FAIM2: variants seen among roughly 807,000 people sequenced by gnomAD.
FAIM2 encodes protein lifeguard 2.
Under a neutral mutation model 47.4 loss-of-function variants are expected in FAIM2, and 27 were observed. The observed-to-expected ratio is 0.57, with a 90% CI of 0.42 to 0.78. The LOEUF is 0.78. Among genes scored for constraint, FAIM2 ranks in the 30% least tolerant of loss-of-function variants. The probability of loss-of-function intolerance (pLI) is 0.00; values close to 1 mark genes in which losing one functional copy is unlikely to be tolerated. For missense variants in FAIM2, 311 were observed against 389.4 expected (o/e 0.80, Z 1.69); for synonymous variants, 156 against 159.3 (o/e 0.98, Z 0.16).
chr12:49,898,049 G>T lies in FAIM2; in HGVS notation c.253C>A (p.His85Asn), dbSNP rs1298878854. ...SYDNGFPTGD[H>N]ELFTTFSWDD... The stretch of plus-strand genomic sequence containing the variant: ...CAGCTGAAAGTGGTGAAGAGCTCAT[G>T]GTCTCCGGTGGGGAAACCGTTGTCA... The change falls in exon 3 of 12, where the codon CAT (histidine) becomes AAT (asparagine). Residue 85 changes from histidine to asparagine, a missense_variant. Transcript: ENST00000320634. The T allele has an allele frequency of 6.8e-6, 11 of 1,613,906 alleles. No homozygotes were observed. Among genetic ancestry groups the T allele is most frequent in the Non-Finnish European group, 9.3e-6 (11 of 1,179,954 alleles).
rs150622045 is a variant in FAIM2 at position 49,875,954 on chromosome 12, C to T, written c.802-5301G>A. Among the ~76,000 whole-genome samples, 745 of 152,028 alleles carry T rather than the reference C, an allele frequency of 4.9e-3. 6 individuals are homozygous for T. The highest frequency in any genetic ancestry group is 0.014 in the Middle Eastern group (4 of 294). Reference sequence around the variant, plus strand: ...TCACACCACTGCACTCCAGCCTGGGCGACAGAGTGAGACTCCATCTCAAAA... The same window carrying T: ...TCACACCACTGCACTCCAGCCTGGGTGACAGAGTGAGACTCCATCTCAAAA... On this transcript the variant is annotated intron_variant, in intron 11 of 11. Coordinates refer to ENST00000320634, the MANE Select transcript of FAIM2 (RefSeq NM_012306.4).
intron 1 of FAIM2, chr12:49,902,125 G>C (rs1235296531): frequency 6.6e-6 from 1 of 152,220 alleles, no homozygotes; most frequent in Non-Finnish European, 1.5e-5. Flanking sequence ...GGCTCAAAGG[G>C]AAACGTCCCC....
chr12:49,879,488 GTGTA>G (rs1946784775), intron 11 of FAIM2, among the ~76,000 whole-genome samples: 1 of 9,964 alleles, frequency 1.0e-4, no homozygotes, highest in Non-Finnish European at 1.5e-4. Flanking sequence ...GTGCATGTGA[GTGTA>G]TGTGTGTATA....
chr12:49,877,788 GTATA>G (rs1158096742), intron 11 of FAIM2, among the ~76,000 whole-genome samples: 4 of 152,002 alleles, frequency 2.6e-5, no homozygotes, highest in African/African-American at 9.7e-5. Context: ...GTGTGCATGT[GTATA>G]TATGTGTGTG....
intron 11 of FAIM2, among the ~76,000 whole-genome samples, chr12:49,877,834 G>A (rs73293433): frequency 0.036 from 5,501 of 152,058 alleles, 331 homozygotes; most frequent in African/African-American, 0.12. Flanking sequence ...GTCTATGTGC[G>A]TATATGTGTG....
intron 11 of FAIM2, among the ~76,000 whole-genome samples, chr12:49,872,224 A>G (rs1425536452): frequency 6.6e-6 from 1 of 152,212 alleles, no homozygotes; most frequent in Non-Finnish European, 1.5e-5. Flanking sequence ...GAAATGCACA[A>G]TTAGGACTAT....
chr12:49,891,730 C>G (rs1405670575), intron 5 of FAIM2, among the ~76,000 whole-genome samples: 1 of 152,180 alleles, frequency 6.6e-6, no homozygotes, highest in Non-Finnish European at 1.5e-5. Context: ...AAGGGTAGGG[C>G]CCTCTTCTGT....
In FAIM2 at chr12:49,899,481, G is replaced by A. The variant is rs182982209; in HGVS notation, c.212-1391C>T. ...TCCCTGCGCAGCACCCTCCAGCCCC[G>A]CTATACATTCCTCCCCCGATCAGGT... On this transcript the variant is annotated intron_variant, in intron 2 of 11. Transcript: ENST00000320634. 1.5e-4 allele frequency among the ~76,000 whole-genome samples: 23 copies of A among 152,170 alleles called. No individual in the cohort carries two copies. The South Asian group carries it at 1.7e-3, about 11-fold the overall frequency.
At chr12:49,896,654 G>A (rs184583499) in intron 5 of FAIM2, among the ~76,000 whole-genome samples, 2 of 152,330 alleles carry the variant, frequency 1.3e-5, no homozygotes, top group East Asian at 3.9e-4. Context: ...TATTTCATAA[G>A]CATTACTAAC....
At chr12:49,880,713 CAT>C (rs1946816455) in intron 11 of FAIM2, among the ~76,000 whole-genome samples, 1 of 99,038 alleles carries the variant, frequency 1.0e-5, no homozygotes, top group African/African-American at 4.6e-5. Context: ...CATGTGTGTA[CAT>C]GCGTGTATAT....
At chr12:49,899,912 A>G (rs1198451254) in intron 2 of FAIM2, among the ~76,000 whole-genome samples, 1 of 152,240 alleles carries the variant, frequency 6.6e-6, no homozygotes, top group South Asian at 2.1e-4. Context: ...CTTGGAAAAC[A>G]TTCCTTAAAA....
chr12:49,895,051 G>T (rs1311767268), intron 5 of FAIM2, among the ~76,000 whole-genome samples: 1 of 132,000 alleles, frequency 7.6e-6, no homozygotes, highest in South Asian at 2.5e-4. Context: ...AGAGCTGAGG[G>T]GTGTGGAGCG....
intron 11 of FAIM2, among the ~76,000 whole-genome samples, chr12:49,879,322 G>A (rs1442016426): frequency 1.6e-5 from 1 of 63,392 alleles, no homozygotes; most frequent in Non-Finnish European, 2.8e-5. Context: ...ATGTGTATAT[G>A]TGCGTGTGTA....
chr12:49,901,330 G>T lies in FAIM2; in HGVS notation c.16-5C>A. ...GGCCTTGTTAGCCACGGAGAGCTATGGAGTAGAGTCAGAGAGAGAGATAGT... is the reference window on the plus strand; with the variant it reads ...GGCCTTGTTAGCCACGGAGAGCTATTGAGTAGAGTCAGAGAGAGAGATAGT... On this transcript the variant is annotated splice_polypyrimidine_tract_variant and splice_region_variant and intron_variant, in intron 1 of 11. Coordinates refer to ENST00000320634, the MANE Select transcript of FAIM2 (RefSeq NM_012306.4). 1 of 1,560,410 alleles carries T rather than the reference G, an allele frequency of 6.4e-7. No homozygotes were observed.
intron 2 of FAIM2, chr12:49,900,153 G>T: frequency 1.6e-6 from 2 of 1,259,834 alleles, no homozygotes; most frequent in Non-Finnish European, 2.1e-6. Context: ...ACAAACACCA[G>T]ACCTTCATTG....
chr12:49,896,563 A>G (rs917445399), intron 5 of FAIM2, among the ~76,000 whole-genome samples: 1 of 152,224 alleles, frequency 6.6e-6, no homozygotes, highest in African/African-American at 2.4e-5. Context: ...GTGAGGACCG[A>G]ATGCAATACT....
chr12:49,883,669 G>C (rs1372135386), intron 11 of FAIM2, among the ~76,000 whole-genome samples: 1 of 152,158 alleles, frequency 6.6e-6, no homozygotes, highest in Non-Finnish European at 1.5e-5. Flanking sequence ...TCAAAGCTTT[G>C]AGGCTGCCTG....
intron 11 of FAIM2, among the ~76,000 whole-genome samples, chr12:49,880,305 CAT>C (rs1383304345): frequency 7.3e-6 from 1 of 136,466 alleles, no homozygotes; most frequent in Admixed American, 7.2e-5. Flanking sequence ...TGTGTATGTG[CAT>C]GTGTGTATGT....
rs1565613849 is a variant in FAIM2, at chr12:49,879,241, CATGT to C, written c.801+8141_801+8144del. On this transcript the variant is annotated intron_variant, in intron 11 of 11. Coordinates refer to ENST00000320634, the MANE Select transcript of FAIM2 (RefSeq NM_012306.4). ...ATGTGCATGTGTGTATGTATGCATG[CATGT>C]GTGTGCATGTGTGTATGTGTGCATG... Among the ~76,000 whole-genome samples, 52 of 104,328 alleles carry C rather than the reference CATGT, an allele frequency of 5.0e-4. 9 individuals carry two copies. The highest frequency in any genetic ancestry group is 2.0e-3 in the African/African-American group (43 of 21,456). The allele number at this position is 104,328 out of a possible 152,430, so 68.4% of individuals were successfully genotyped here.
Sources: allele counts gnomAD v4.1 joint callset (sites outside exome capture counted in the v4.1 genomes callset), GRCh38; gene constraint gnomAD v4.1.1; transcripts MANE v1.5; gene names NCBI Gene and HGNC (gene_info 2026-07-23, HGNC 2026-07-21).